Variants in FRMD3 observed in about 807,000 individuals in gnomAD.
FRMD3 encodes the protein FERM domain containing 3.
In FRMD3, 33 loss-of-function variants were observed where a neutral mutation model predicts 70.2. The ratio of observed to expected loss-of-function variants is 0.47; its 90% CI spans 0.36 to 0.63. The LOEUF (loss-of-function observed/expected upper bound fraction) is 0.63. Among genes scored for constraint, FRMD3 ranks in the 20% least tolerant of loss-of-function variants. The pLI, the probability that FRMD3 is intolerant of heterozygous loss-of-function variation, is 0.00. For synonymous variants in FRMD3, 279 were observed against 255.9 expected (o/e 1.09, Z -0.86); for missense variants, 632 against 711.4 (o/e 0.89, Z 1.27).
chr9:83,360,610 C>A (rs1487610320), intron 3 of FRMD3, among the ~76,000 whole-genome samples: 3 of 152,176 alleles, frequency 2.0e-5, no homozygotes, highest in Non-Finnish European at 4.4e-5. Context: ...GGACTTCCCC[C>A]AGGAGAGGCT....
At chr9:83,480,912 C>T (rs1194565150) in intron 1 of FRMD3, among the ~76,000 whole-genome samples, 1 of 152,138 alleles carries the variant, frequency 6.6e-6, no homozygotes, top group Non-Finnish European at 1.5e-5. Flanking sequence ...GCCACAGATG[C>T]TGAAGGACAA....
At chr9:83,552,757 T>C in the FRMD3 span, among the ~76,000 whole-genome samples, 4 of 152,172 alleles carry the variant, frequency 2.6e-5, no homozygotes, top group African/African-American at 9.7e-5. Context: ...TTATCTTTAT[T>C]AGTTTGAAAA....
chr9:83,564,347 G>A, the FRMD3 span, among the ~76,000 whole-genome samples: 4 of 152,172 alleles, frequency 2.6e-5, no homozygotes, highest in Non-Finnish European at 5.9e-5. Flanking sequence ...GAAAGAGAGG[G>A]AGGAGAATTT....
intron 13 of FRMD3, among the ~76,000 whole-genome samples, chr9:83,262,130 A>G (rs1208262113): frequency 6.6e-6 from 1 of 152,206 alleles, no homozygotes; most frequent in Non-Finnish European, 1.5e-5. Flanking sequence ...TGGAAAATCC[A>G]TGTTGCTGAA....
At chr9:83,273,668 A>G (rs1833696259) in intron 13 of FRMD3, among the ~76,000 whole-genome samples, 1 of 151,510 alleles carries the variant, frequency 6.6e-6, no homozygotes, top group Non-Finnish European at 1.5e-5. Flanking sequence ...TGTTACAAAG[A>G]ATGCATACAG....
intron 6 of FRMD3, among the ~76,000 whole-genome samples, chr9:83,331,670 G>A (rs1422268841): frequency 6.6e-6 from 1 of 152,092 alleles, no homozygotes. Context: ...AATGAGGGAG[G>A]CTATGCATGT....
At chr9:83,331,408 A>G (rs1287009520) in intron 6 of FRMD3, among the ~76,000 whole-genome samples, 2 of 152,202 alleles carry the variant, frequency 1.3e-5, no homozygotes, top group Admixed American at 6.5e-5. Context: ...AAAGCTATAG[A>G]GACAGTAAAA....
chr9:83,410,954 GT>G (rs1349175670), intron 1 of FRMD3, among the ~76,000 whole-genome samples: 1 of 152,162 alleles, frequency 6.6e-6, no homozygotes, highest in Non-Finnish European at 1.5e-5. Flanking sequence ...ACTCATCCCT[GT>G]ACCTCAGAGG....
At chr9:83,362,884 CTCCT>C (rs1414006489) in intron 3 of FRMD3, among the ~76,000 whole-genome samples, 3 of 119,502 alleles carry the variant, frequency 2.5e-5, no homozygotes, top group Non-Finnish European at 3.4e-5. Flanking sequence ...CCTTCCCTCC[CTCCT>C]TCCTTCCCTC....
chr9:83,473,774 T>A (rs1828328393), intron 1 of FRMD3, among the ~76,000 whole-genome samples: 1 of 152,198 alleles, frequency 6.6e-6, no homozygotes, highest in Admixed American at 6.5e-5. Flanking sequence ...GACATGGGTC[T>A]CCTCCCTCAT....
chr9:83,378,270 G>GA (rs1554695660), intron 2 of FRMD3, among the ~76,000 whole-genome samples: 1 of 135,952 alleles, frequency 7.4e-6, no homozygotes, highest in African/African-American at 3.0e-5. Context: ...TGTTTTTTTT[G>GA]TTTTTTTTGA....
chr9:83,343,112 G>C, intron 5 of FRMD3, 78 bp downstream of exon 5: 2 of 1,032,496 alleles, frequency 1.9e-6, no homozygotes, highest in Non-Finnish European at 3.1e-6. Context: ...ATGGCCACGG[G>C]TGGGAGAGAA....
intron 13 of FRMD3, among the ~76,000 whole-genome samples, chr9:83,272,978 G>A (rs1331955737): frequency 3.4e-5 from 5 of 146,944 alleles, no homozygotes; most frequent in East Asian, 4.2e-4. Context: ...GAGCATCTCC[G>A]CCCGGCAGCC....
chr9:83,544,311 C>T, the FRMD3 span, among the ~76,000 whole-genome samples: 2 of 152,136 alleles, frequency 1.3e-5, no homozygotes, highest in Non-Finnish European at 2.9e-5. Context: ...CTGAGGAGAC[C>T]TTTGTGCATT....
chr9:83,341,417 T>C (rs1823754167), intron 5 of FRMD3, among the ~76,000 whole-genome samples: 1 of 152,134 alleles, frequency 6.6e-6, no homozygotes, highest in Non-Finnish European at 1.5e-5. Flanking sequence ...TAGATCCATA[T>C]TGAGCATGTC....
intron 7 of FRMD3, among the ~76,000 whole-genome samples, chr9:83,312,610 C>T (rs552420861): frequency 9.2e-5 from 14 of 152,314 alleles, no homozygotes; most frequent in African/African-American, 3.1e-4. Flanking sequence ...TAGGAAAGAG[C>T]CGCTGGTAAA....
At chr9:83,290,485 T>C (rs1251559925) in intron 13 of FRMD3, 118 bp downstream of exon 13, 2 of 1,126,896 alleles carry the variant, frequency 1.8e-6, no homozygotes, top group Admixed American at 1.9e-5. Flanking sequence ...ACATAGTTTA[T>C]GGCCCACTCC....
At chr9:83,407,847 C>CTCTCATCTT (rs1177725658) in intron 1 of FRMD3, among the ~76,000 whole-genome samples, 1 of 122,946 alleles carries the variant, frequency 8.1e-6, no homozygotes, top group East Asian at 2.3e-4. Context: ...GTCTCTCTCT[C>CTCTCATCTT]TCTCTCTCTC....
chr9:83,257,984 T>C (rs1404178026), intron 13 of FRMD3, among the ~76,000 whole-genome samples: 1 of 152,246 alleles, frequency 6.6e-6, no homozygotes. Flanking sequence ...TATACCATTG[T>C]TGGCATTATT....
Sources: gnomAD v4.1 joint callset for allele counts (sites outside exome capture counted in the v4.1 genomes callset) on GRCh38, gnomAD v4.1.1 for gene constraint, MANE v1.5 for transcripts, NCBI Gene and HGNC (gene_info 2026-07-23, HGNC 2026-07-21) for gene names.